DCC: variants seen among roughly 807,000 people sequenced by gnomAD.
DCC encodes the protein netrin receptor DCC.
DCC carries 58 observed loss-of-function variants against 172.5 expected under a neutral mutation model. That is an observed-to-expected ratio of 0.34 (90% CI 0.27 to 0.42). The LOEUF (loss-of-function observed/expected upper bound fraction) is 0.42, where lower values mean the gene tolerates loss of function less well. Among genes scored for constraint, DCC ranks in the 10% least tolerant of loss-of-function variants. The probability of loss-of-function intolerance (pLI) is 1.00; values close to 1 mark genes in which losing one functional copy is unlikely to be tolerated. For missense variants in DCC, 1,740 were observed against 1,791.0 expected (o/e 0.97, Z 0.51); for synonymous variants, 709 against 644.5 (o/e 1.10, Z -1.52).
rs529456848 is a variant in DCC at position 53,483,231 on chromosome 18, G to A, written c.3737-3566G>A. Among the ~76,000 whole-genome samples the A allele has an allele frequency of 7.2e-5, 11 of 151,792 alleles. No individual in the cohort carries two copies. In the South Asian group the frequency reaches 2.1e-3, roughly 29 times the overall value. On this transcript the variant is annotated intron_variant, in intron 25 of 28. Coordinates refer to ENST00000442544, the MANE Select transcript of DCC (RefSeq NM_005215.4). Reference sequence around the variant, plus strand: ...TTCCCTTTTTCTGGAGTCTGTTTACGTGTTTATATATCCATAATGTGCTTT... The same window carrying A: ...TTCCCTTTTTCTGGAGTCTGTTTACATGTTTATATATCCATAATGTGCTTT...
At chr18:52,934,668 AT>A (rs2040356427) in intron 5 of DCC, 1 of 152,156 alleles carries the variant, frequency 6.6e-6, no homozygotes, top group East Asian at 1.9e-4. Flanking sequence ...CTAACCCCCA[AT>A]GTGACTGTAT....
intron 22 of DCC, among the ~76,000 whole-genome samples, chr18:53,446,748 A>G (rs1291855693): frequency 2.6e-5 from 4 of 152,080 alleles, no homozygotes; most frequent in Non-Finnish European, 4.4e-5. Context: ...GTCACCACCT[A>G]AGACAGAAAA....
At chr18:52,467,072 A>T (rs1218812465) in intron 1 of DCC, among the ~76,000 whole-genome samples, 2 of 151,782 alleles carry the variant, frequency 1.3e-5, no homozygotes, top group Non-Finnish European at 2.9e-5. Flanking sequence ...ATATATTTTA[A>T]GTTCTGGGAT....
intron 12 of DCC, among the ~76,000 whole-genome samples, chr18:53,287,499 T>C (rs1305038500): frequency 2.6e-5 from 4 of 152,186 alleles, no homozygotes; most frequent in African/African-American, 9.6e-5. Flanking sequence ...CTTAGGTATA[T>C]ACTTTGGGAA....
intron 1 of DCC, among the ~76,000 whole-genome samples, chr18:52,666,902 G>A (rs916151503): frequency 1.1e-4 from 16 of 152,026 alleles, no homozygotes; most frequent in Non-Finnish European, 1.5e-5. Context: ...GTATTTTGAT[G>A]AAAAATAATT....
At chr18:52,610,458 T>C (rs2144838657) in intron 1 of DCC, among the ~76,000 whole-genome samples, 1 of 146,460 alleles carries the variant, frequency 6.8e-6, no homozygotes, top group Admixed American at 6.8e-5. Flanking sequence ...GGAAATACTA[T>C]TTTCTGTGGG....
chr18:53,523,495 C>G (rs1200116808), intron 27 of DCC, among the ~76,000 whole-genome samples: 2 of 152,124 alleles, frequency 1.3e-5, no homozygotes, highest in Non-Finnish European at 2.9e-5. Flanking sequence ...ATAGCAAAGA[C>G]TTGGAACCAA....
At chr18:52,909,795 C>A (rs2145456321) in intron 3 of DCC, among the ~76,000 whole-genome samples, 1 of 152,178 alleles carries the variant, frequency 6.6e-6, no homozygotes, top group Admixed American at 6.6e-5. Context: ...AATACCATGC[C>A]CTACAAAAGC....
At chr18:52,629,949 C>CAA (rs540334133) in intron 1 of DCC, among the ~76,000 whole-genome samples, 5,715 of 40,854 alleles carry the variant, frequency 0.14, 962 homozygotes, top group Non-Finnish European at 0.18. Context: ...GACTCCGTCT[C>CAA]AAAAAAAAAA....
intron 1 of DCC, among the ~76,000 whole-genome samples, chr18:52,689,675 C>A (rs2035899668): frequency 6.6e-6 from 1 of 151,940 alleles, no homozygotes; most frequent in African/African-American, 2.4e-5. Context: ...ATAGAAAATG[C>A]AAATTAGAAA....
intron 23 of DCC, among the ~76,000 whole-genome samples, chr18:53,456,413 G>T (rs897077144): frequency 6.6e-6 from 1 of 152,146 alleles, no homozygotes; most frequent in Non-Finnish European, 1.5e-5. Flanking sequence ...TCCTATTCTA[G>T]GGCTATTTTA....
At chr18:53,348,011 G>A (rs2057744804) in intron 15 of DCC, among the ~76,000 whole-genome samples, 1 of 151,932 alleles carries the variant, frequency 6.6e-6, no homozygotes, top group Admixed American at 6.6e-5. Context: ...TCTGCCCCTG[G>A]CCCCTCCCAA....
At chr18:52,755,719 A>AAAC (rs975025462) in intron 2 of DCC, among the ~76,000 whole-genome samples, 1 of 152,184 alleles carries the variant, frequency 6.6e-6, no homozygotes, top group Admixed American at 6.5e-5. Context: ...TGCTTGGGTA[A>AAAC]AACAACAACA....
chr18:53,312,651 T>C (rs1461250825), intron 13 of DCC, among the ~76,000 whole-genome samples: 2 of 148,616 alleles, frequency 1.3e-5, no homozygotes, highest in Non-Finnish European at 3.0e-5. Flanking sequence ...TTACTAAAAA[T>C]ACAAAAAATT....
At chr18:53,175,549 C>A (rs1256486431) in intron 8 of DCC, among the ~76,000 whole-genome samples, 2 of 148,528 alleles carry the variant, frequency 1.3e-5, no homozygotes, top group African/African-American at 2.4e-5. Context: ...AAACAGAGAG[C>A]CAAATCATGA....
intron 1 of DCC, among the ~76,000 whole-genome samples, chr18:52,396,900 A>T (rs1986251216): frequency 6.6e-6 from 1 of 152,048 alleles, no homozygotes; most frequent in African/African-American, 2.4e-5. Flanking sequence ...AAGAGAGGGC[A>T]TATGTTTTCT....
chr18:53,141,248 A>G (rs1407535841), intron 7 of DCC, among the ~76,000 whole-genome samples: 1 of 152,214 alleles, frequency 6.6e-6, no homozygotes, highest in African/African-American at 2.4e-5. Context: ...AAATAGTGAA[A>G]TGATTTGAAT....
At chr18:53,384,231 G>C (rs559441478) in intron 15 of DCC, among the ~76,000 whole-genome samples, 1 of 152,080 alleles carries the variant, frequency 6.6e-6, no homozygotes, top group African/African-American at 2.4e-5. Context: ...AATTTTTGTT[G>C]ACTATAAAAC....
intron 2 of DCC, among the ~76,000 whole-genome samples, chr18:52,867,251 C>G (rs998540688): frequency 1.4e-4 from 21 of 152,148 alleles, no homozygotes; most frequent in African/African-American, 4.1e-4. Context: ...GGTGGATAAG[C>G]TTTTTGATGT....
Sources: allele counts gnomAD v4.1 joint callset (sites outside exome capture counted in the v4.1 genomes callset), GRCh38; gene constraint gnomAD v4.1.1; transcripts MANE v1.5; gene names NCBI Gene and HGNC (gene_info 2026-07-23, HGNC 2026-07-21).